Variants in SIDT1 observed in about 807,000 individuals in gnomAD.
SIDT1 encodes the protein SID1 transmembrane family, member 1.
A neutral mutation model predicts 107.5 loss-of-function variants in SIDT1; 101 were observed. The observed-to-expected ratio is 0.94, with a 90% CI of 0.80 to 1.11. SIDT1 has a LOEUF of 1.11. Ranked by LOEUF, SIDT1 falls within the 50% of genes least tolerant of loss-of-function variation. SIDT1 has a pLI of 0.00. For synonymous variants in SIDT1, 395 were observed against 398.2 expected, an observed-to-expected ratio of 0.99 and a Z score of 0.10; for missense variants, 1,076 against 1,058.2, an observed-to-expected ratio of 1.02 and a Z score of -0.23.
At chr3:113,570,454 G>T (rs891755246) in intron 3 of SIDT1, among the ~76,000 whole-genome samples, 1 of 136,478 alleles carries the variant, frequency 7.3e-6, no homozygotes, top group East Asian at 3.0e-4. Context: ...TCTTCTGTAA[G>T]GTTATTAGAA....
intron 10 of SIDT1, among the ~76,000 whole-genome samples, chr3:113,600,791 T>C (rs1042291528): frequency 6.6e-6 from 1 of 152,248 alleles, no homozygotes; most frequent in Non-Finnish European, 1.5e-5. Flanking sequence ...ATAGATGGTA[T>C]TGATGACATG....
intron 24 of SIDT1, 77 bp downstream of exon 24, chr3:113,626,292 A>C: frequency 2.1e-6 from 2 of 935,042 alleles, no homozygotes; most frequent in Non-Finnish European, 1.7e-6. Context: ...GCTCTTCCTT[A>C]CTTTTTTTTA....
At chr3:113,577,934 T>C (rs1303534839) in intron 4 of SIDT1, among the ~76,000 whole-genome samples, 1 of 152,194 alleles carries the variant, frequency 6.6e-6, no homozygotes, top group Non-Finnish European at 1.5e-5. Flanking sequence ...GTGATGTCAC[T>C]GAACAGCTGG....
chr3:113,546,682 T>G (rs780992626), intron 1 of SIDT1, among the ~76,000 whole-genome samples: 5 of 152,242 alleles, frequency 3.3e-5, no homozygotes, highest in Non-Finnish European at 5.9e-5. Flanking sequence ...TCAACTGTTA[T>G]TTAAAGTATC....
At chr3:113,552,583 C>T (rs1379012610) in intron 1 of SIDT1, among the ~76,000 whole-genome samples, 1 of 152,190 alleles carries the variant, frequency 6.6e-6, no homozygotes, top group East Asian at 1.9e-4. Flanking sequence ...GGAGACTACG[C>T]TGCAGGAAAT....
intron 3 of SIDT1, 31 bp downstream of exon 3, chr3:113,567,741 G>A: frequency 1.2e-6 from 2 of 1,603,098 alleles, no homozygotes; most frequent in South Asian, 2.2e-5. Flanking sequence ...TTACCTGTCT[G>A]TGTTTCCTGT....
Position 113,532,942 on chromosome 3 carries a change from C to A in SIDT1, c.-80C>A. 1 of 1,027,566 alleles carries A rather than the reference C, an allele frequency of 9.7e-7. No homozygotes were observed. The highest frequency in any genetic ancestry group is 1.7e-5 in the African/African-American group (1 of 58,930). The allele number at this position is 1,027,566 out of a possible 1,614,324, so 63.7% of individuals were successfully genotyped here. ...TCTGAAGCGGACGCCTGGCCCTGCA[C>A]CGGGCTTTGGAAGGACCCTCTCTGC... On this transcript the variant is annotated 5_prime_UTR_variant, in exon 1 of 25. Transcript: ENST00000264852.
chr3:113,592,835 C>A (rs556195239), intron 9 of SIDT1, 170 bp from the exon 10 acceptor site: 2 of 611,064 alleles, frequency 3.3e-6, no homozygotes, highest in Non-Finnish European at 6.0e-6. Flanking sequence ...ATCCGCCTGC[C>A]TTGGCCTCCC....
intron 1 of SIDT1, among the ~76,000 whole-genome samples, chr3:113,558,088 A>G (rs977709403): frequency 2.4e-4 from 36 of 152,202 alleles, no homozygotes; most frequent in African/African-American, 8.2e-4. Flanking sequence ...AAATTAGAGT[A>G]AGTGTAGACC....
intron 19 of SIDT1, 164 bp downstream of exon 19, chr3:113,612,358 C>T: frequency 1.5e-6 from 1 of 684,240 alleles, no homozygotes; most frequent in East Asian, 2.8e-5. Flanking sequence ...AGAGCTTCCT[C>T]TCCCTTATAG....
intron 15 of SIDT1, 93 bp from the exon 16 acceptor site, chr3:113,608,001 A>C (rs984316953): frequency 2.2e-6 from 3 of 1,343,146 alleles, no homozygotes; most frequent in Non-Finnish European, 3.0e-6. Flanking sequence ...GAAAACATTC[A>C]TGCTGAATTC....
intron 10 of SIDT1, among the ~76,000 whole-genome samples, chr3:113,597,002 G>A (rs538860941): frequency 4.9e-4 from 74 of 152,184 alleles, no homozygotes; most frequent in Non-Finnish European, 8.2e-4. Context: ...CTCAAGGAAC[G>A]CAGGCCATTC....
At chr3:113,563,616 G>T (rs546600343) in intron 1 of SIDT1, among the ~76,000 whole-genome samples, 52 of 152,284 alleles carry the variant, frequency 3.4e-4, no homozygotes, top group African/African-American at 1.2e-3. Context: ...TTGCTGTTTT[G>T]TGAGCTGCTT....
chr3:113,619,375 C>A (rs1299415041), intron 20 of SIDT1, among the ~76,000 whole-genome samples: 1 of 152,210 alleles, frequency 6.6e-6, no homozygotes, highest in African/African-American at 2.4e-5. Context: ...ATACCACCAG[C>A]CTCTCCACTG....
chr3:113,573,615 A>T (rs895639565), intron 3 of SIDT1, among the ~76,000 whole-genome samples: 2 of 152,116 alleles, frequency 1.3e-5, no homozygotes, highest in Non-Finnish European at 2.9e-5. Flanking sequence ...TGGTACTTGG[A>T]GGTGGGGCCT....
intron 9 of SIDT1, chr3:113,589,928 T>C (rs112288559): frequency 1.9e-4 from 29 of 153,150 alleles, no homozygotes; most frequent in African/African-American, 6.0e-4. Context: ...GGAGATATAT[T>C]ATAGTGAATG....
At chr3:113,550,515 G>T (rs542729447) in intron 1 of SIDT1, among the ~76,000 whole-genome samples, 4 of 152,140 alleles carry the variant, frequency 2.6e-5, no homozygotes, top group Non-Finnish European at 5.9e-5. Context: ...TTGTATTGAT[G>T]TCATGTGCCA....
intron 10 of SIDT1, among the ~76,000 whole-genome samples, chr3:113,600,188 T>C (rs749425288): frequency 1.3e-5 from 2 of 152,010 alleles, no homozygotes; most frequent in Non-Finnish European, 2.9e-5. Context: ...TGTGCACCTG[T>C]AGTCCCAGCT....
chr3:113,592,331 A>C (rs977141263), intron 9 of SIDT1, among the ~76,000 whole-genome samples: 10 of 152,198 alleles, frequency 6.6e-5, no homozygotes, highest in Admixed American at 3.3e-4. Context: ...TAATACTAAA[A>C]CTCACTAAAT....
Sources: gnomAD v4.1 joint callset for allele counts (sites outside exome capture counted in the v4.1 genomes callset) on GRCh38, gnomAD v4.1.1 for gene constraint, MANE v1.5 for transcripts, NCBI Gene and HGNC (gene_info 2026-07-23, HGNC 2026-07-21) for gene names.